PPP6R3: variants seen among roughly 807,000 people sequenced by gnomAD.
PPP6R3 encodes protein phosphatase 6 regulatory subunit 3, also known as serine/threonine-protein phosphatase 6 regulatory subunit 3.
Under a neutral mutation model 110.7 loss-of-function variants are expected in PPP6R3, and 38 were observed. That is an observed-to-expected ratio of 0.34 (90% CI 0.26 to 0.45). PPP6R3 has a LOEUF of 0.45. Ranked by LOEUF, PPP6R3 falls within the 20% of genes least tolerant of loss-of-function variation. PPP6R3 has a pLI of 1.00. For synonymous variants in PPP6R3, 369 were observed against 373.5 expected (o/e 0.99, Z 0.14); for missense variants, 870 against 1,062.4 (o/e 0.82, Z 2.52).
intron 14 of PPP6R3, among the ~76,000 whole-genome samples, chr11:68,578,473 C>T (rs969422328): frequency 2.6e-5 from 4 of 152,186 alleles, no homozygotes; most frequent in Non-Finnish European, 5.9e-5. Context: ...GCCTTGACTT[C>T]CTTGATTTTA....
At chr11:68,597,607 A>G (rs751875939) in intron 19 of PPP6R3, among the ~76,000 whole-genome samples, 111 of 152,226 alleles carry the variant, frequency 7.3e-4, no homozygotes, top group Non-Finnish European at 1.1e-3. Flanking sequence ...AGGTGTGAGG[A>G]GGAGACAGGG....
intron 1 of PPP6R3, among the ~76,000 whole-genome samples, chr11:68,480,509 T>C (rs537557235): frequency 8.5e-5 from 13 of 152,354 alleles, no homozygotes; most frequent in Non-Finnish European, 1.5e-4. Context: ...TGGAGGTAGC[T>C]GTGAGAATTT....
At chr11:68,601,670 C>G (rs1354227042) in intron 20 of PPP6R3, among the ~76,000 whole-genome samples, 193 bp from the exon 21 acceptor site, 1 of 152,110 alleles carries the variant, frequency 6.6e-6, no homozygotes, top group African/African-American at 2.4e-5. Context: ...ATTTGCCTGC[C>G]CGCACTCATG....
chr11:68,578,378 A>G (rs2099540237), intron 14 of PPP6R3, among the ~76,000 whole-genome samples: 1 of 152,228 alleles, frequency 6.6e-6, no homozygotes, highest in Non-Finnish European at 1.5e-5. Flanking sequence ...TGCCTTCTTA[A>G]CATGCTTGTC....
chr11:68,539,251 C>T (rs746071477), intron 3 of PPP6R3, among the ~76,000 whole-genome samples: 8 of 152,304 alleles, frequency 5.3e-5, no homozygotes, highest in Non-Finnish European at 1.0e-4. Flanking sequence ...CTCTTCCAAT[C>T]TCTGAGAGCT....
intron 23 of PPP6R3, 112 bp downstream of exon 23, chr11:68,610,135 G>C (rs950555466): frequency 7.1e-7 from 1 of 1,410,846 alleles, no homozygotes. Context: ...TCAAGTCTTA[G>C]GCCGCTGACC....
chr11:68,517,921 G>A (rs1341372813), intron 1 of PPP6R3, among the ~76,000 whole-genome samples: 1 of 149,066 alleles, frequency 6.7e-6, no homozygotes, highest in Admixed American at 6.7e-5. Context: ...CTGGGCGAGA[G>A]AGCAAGACCC....
chr11:68,466,773 C>T (rs548149951), intron 1 of PPP6R3, among the ~76,000 whole-genome samples: 20 of 152,330 alleles, frequency 1.3e-4, no homozygotes, highest in East Asian at 1.9e-4. Flanking sequence ...CCACCACGCC[C>T]GGCTAATTTT....
chr11:68,506,558 C>T (rs113952787), intron 1 of PPP6R3, among the ~76,000 whole-genome samples: 1 of 150,910 alleles, frequency 6.6e-6, no homozygotes, highest in South Asian at 2.1e-4. Context: ...TAACATTCAT[C>T]ACCACAAACA....
At chr11:68,570,424 T>G (rs1004417351) in intron 11 of PPP6R3, among the ~76,000 whole-genome samples, 6 of 152,214 alleles carry the variant, frequency 3.9e-5, no homozygotes, top group Non-Finnish European at 8.8e-5. Flanking sequence ...AGCCCACACT[T>G]GGTTTACTCG....
intron 1 of PPP6R3, among the ~76,000 whole-genome samples, chr11:68,493,616 C>CAT (rs71043436): frequency 0.29 from 39,724 of 137,052 alleles, 6,476 homozygotes; most frequent in South Asian, 0.52. Context: ...AAAACAAAAC[C>CAT]ATATATATAT....
intron 6 of PPP6R3, among the ~76,000 whole-genome samples, chr11:68,553,584 C>T (rs1305026853): frequency 6.6e-6 from 1 of 152,128 alleles, no homozygotes; most frequent in Non-Finnish European, 1.5e-5. Flanking sequence ...TGAGCCACTG[C>T]ACCCAGCTGT....
chr11:68,493,640 AT>A (rs1474377015), intron 1 of PPP6R3, among the ~76,000 whole-genome samples: 9 of 146,096 alleles, frequency 6.2e-5, no homozygotes, highest in Non-Finnish European at 1.2e-4. Context: ...TATATATAAA[AT>A]ATATATACAA....
At chr11:68,485,417 T>C (rs1424066676) in intron 1 of PPP6R3, among the ~76,000 whole-genome samples, 2 of 152,296 alleles carry the variant, frequency 1.3e-5, no homozygotes, top group East Asian at 3.9e-4. Flanking sequence ...CAGTATGATA[T>C]GATGGAAAAG....
chr11:68,536,186 A>ATT (rs372090022), intron 2 of PPP6R3, among the ~76,000 whole-genome samples: 1 of 149,138 alleles, frequency 6.7e-6, no homozygotes, highest in African/African-American at 2.5e-5. Context: ...TTTAAAAAAC[A>ATT]TTTTTTTTTT....
At chr11:68,551,022 A>G (rs2099370202) in intron 5 of PPP6R3, 99 bp from the exon 6 acceptor site, 2 of 858,558 alleles carry the variant, frequency 2.3e-6, no homozygotes, top group Admixed American at 2.4e-5. Flanking sequence ...GTAACATTCT[A>G]CTTAAAATGT....
At chr11:68,542,389 G>GTTTTGTTTTTTTTT (rs1555132285) in intron 3 of PPP6R3, among the ~76,000 whole-genome samples, 9 of 40,188 alleles carry the variant, frequency 2.2e-4, no homozygotes, top group Non-Finnish European at 3.3e-4. Flanking sequence ...AGAAGCTGCT[G>GTTTTGTTTTTTTTT]TTTTTTTTTT....
intron 23 of PPP6R3, among the ~76,000 whole-genome samples, chr11:68,611,496 A>C (rs1254236834): frequency 6.6e-5 from 10 of 152,128 alleles, no homozygotes; most frequent in African/African-American, 2.4e-4. Context: ...GGGCCAAGGG[A>C]TGGAGGAAAA....
chr11:68,493,166 G>A (rs1445451438), intron 1 of PPP6R3, among the ~76,000 whole-genome samples: 1 of 152,148 alleles, frequency 6.6e-6, no homozygotes, highest in East Asian at 1.9e-4. Flanking sequence ...TAGGGTCTAA[G>A]TGCTAATGAG....
Sources: allele counts gnomAD v4.1 joint callset (sites outside exome capture counted in the v4.1 genomes callset), GRCh38; gene constraint gnomAD v4.1.1; transcripts MANE v1.5; gene names NCBI Gene and HGNC (gene_info 2026-07-23, HGNC 2026-07-21).